Variants in XPR1 observed in about 807,000 individuals in gnomAD.
The protein encoded by XPR1 is xenotropic and polytropic retrovirus receptor 1.
Under a neutral mutation model 87.5 loss-of-function variants are expected in XPR1, and 28 were observed. The observed-to-expected ratio is 0.32, with a 90% CI of 0.24 to 0.44. The LOEUF (loss-of-function observed/expected upper bound fraction) is 0.44, where lower values mean the gene tolerates loss of function less well. Among genes scored for constraint, XPR1 ranks in the 20% least tolerant of loss-of-function variants. The probability of loss-of-function intolerance (pLI) is 1.00; values close to 1 mark genes in which losing one functional copy is unlikely to be tolerated. For missense variants in XPR1, 559 were observed against 862.3 expected, an observed-to-expected ratio of 0.65 and a Z score of 4.41; for synonymous variants, 300 against 306.1, an observed-to-expected ratio of 0.98 and a Z score of 0.21.
At chr1:180,648,070 T>C (rs974442122) in intron 1 of XPR1, among the ~76,000 whole-genome samples, 2 of 152,176 alleles carry the variant, frequency 1.3e-5, no homozygotes, top group African/African-American at 4.8e-5. Flanking sequence ...TTAATTTTAG[T>C]TTACTAAAAT....
At chr1:180,667,538 T>C (rs1226721847) in intron 1 of XPR1, among the ~76,000 whole-genome samples, 4 of 152,250 alleles carry the variant, frequency 2.6e-5, no homozygotes, top group African/African-American at 4.8e-5. Flanking sequence ...TCAAAGTTCA[T>C]TGGAGATATT....
chr1:180,840,586 A>G (rs1651475165), intron 11 of XPR1, among the ~76,000 whole-genome samples: 1 of 127,432 alleles, frequency 7.8e-6, no homozygotes, highest in Non-Finnish European at 1.8e-5. Context: ...ATATATATAT[A>G]TATAAACTGG....
At chr1:180,765,356 A>G (rs950903699) in intron 2 of XPR1, among the ~76,000 whole-genome samples, 1 of 152,332 alleles carries the variant, frequency 6.6e-6, no homozygotes. Context: ...TTGCTCATGC[A>G]TTATGCTGGA....
At chr1:180,759,116 A>T (rs1270081593) in intron 2 of XPR1, among the ~76,000 whole-genome samples, 1 of 152,214 alleles carries the variant, frequency 6.6e-6, no homozygotes. Flanking sequence ...CATTCAAAGC[A>T]GTGTGTAGAA....
At chr1:180,725,403 A>G (rs761436294) in intron 2 of XPR1, among the ~76,000 whole-genome samples, 24 of 152,138 alleles carry the variant, frequency 1.6e-4, no homozygotes, top group Non-Finnish European at 2.8e-4. Context: ...AAGGATGTGG[A>G]GTGATTTAGT....
At chr1:180,671,844 C>G (rs912059974) in intron 1 of XPR1, among the ~76,000 whole-genome samples, 8 of 151,946 alleles carry the variant, frequency 5.3e-5, no homozygotes, top group African/African-American at 1.9e-4. Flanking sequence ...TTTAAAGAGA[C>G]AGAGTTTTGC....
intron 2 of XPR1, among the ~76,000 whole-genome samples, chr1:180,735,529 G>T (rs779105665): frequency 6.6e-6 from 1 of 152,062 alleles, no homozygotes; most frequent in Non-Finnish European, 1.5e-5. Flanking sequence ...TGAAGTATTT[G>T]ATTTGTGTAC....
intron 2 of XPR1, among the ~76,000 whole-genome samples, chr1:180,741,529 C>T (rs551613575): frequency 1.1e-4 from 16 of 151,626 alleles, no homozygotes; most frequent in South Asian, 6.3e-4. Flanking sequence ...TCTATCACCC[C>T]GGCTGGGGTG....
intron 2 of XPR1, among the ~76,000 whole-genome samples, chr1:180,787,526 G>A (rs1649199367): frequency 6.6e-6 from 1 of 152,088 alleles, no homozygotes. Flanking sequence ...TGATCTGCCC[G>A]CCTCGGCCTC....
At position 180,632,090 on chromosome 1, in the gene XPR1, G is replaced by T; in HGVS notation, c.-112G>T. 1.5e-6 allele frequency: 2 copies of T among 1,319,264 alleles called. No homozygotes were observed. The highest frequency in any genetic ancestry group is 2.1e-6 in the Non-Finnish European group (2 of 937,658). 81.7% of individuals were successfully genotyped at this position (1,319,264 alleles called of 1,614,324 possible). A position where few individuals can be genotyped will look rare whatever the true frequency, so the allele number is the denominator to read the frequency against. On this transcript the variant is annotated 5_prime_UTR_variant, in exon 1 of 15. Transcript: ENST00000367590. ...ACCTCGGCGGCGGCGGAGGAGGAGA[G>T]AAGCGCAGCGCCGCGCCGCGCCGGG... is the stretch of plus-strand genomic sequence containing the variant.
chr1:180,832,954 G>A (rs1449977593), intron 9 of XPR1, among the ~76,000 whole-genome samples: 2 of 152,184 alleles, frequency 1.3e-5, no homozygotes, highest in African/African-American at 2.4e-5. Context: ...ACTTTGGGCA[G>A]TATGGCATTT....
chr1:180,776,863 C>A (rs777609998), intron 2 of XPR1, among the ~76,000 whole-genome samples: 6 of 151,976 alleles, frequency 3.9e-5, no homozygotes, highest in Non-Finnish European at 7.4e-5. Context: ...AGTGAAAAGA[C>A]TTTTTTGTGT....
At chr1:180,747,639 T>C (rs1647308558) in intron 2 of XPR1, among the ~76,000 whole-genome samples, 1 of 152,206 alleles carries the variant, frequency 6.6e-6, no homozygotes, top group African/African-American at 2.4e-5. Context: ...TATTTAAATA[T>C]TACATGATAC....
At chr1:180,698,960 G>T (rs1483009954) in intron 2 of XPR1, among the ~76,000 whole-genome samples, 1 of 152,066 alleles carries the variant, frequency 6.6e-6, no homozygotes, top group African/African-American at 2.4e-5. Flanking sequence ...TTTGACTTTT[G>T]ATAGTTTGAC....
intron 1 of XPR1, among the ~76,000 whole-genome samples, chr1:180,652,771 A>T (rs12069760): frequency 0.043 from 6,549 of 152,294 alleles, 502 homozygotes; most frequent in African/African-American, 0.15. Flanking sequence ...GTATGAATTA[A>T]CTGTTACTGG....
At chr1:180,818,559 T>C (rs1457335579) in intron 7 of XPR1, among the ~76,000 whole-genome samples, 1 of 152,158 alleles carries the variant, frequency 6.6e-6, no homozygotes, top group African/African-American at 2.4e-5. Flanking sequence ...TTGAGTATAT[T>C]GCTTACCCCA....
At chr1:180,800,932 T>C (rs1439302409) in intron 3 of XPR1, among the ~76,000 whole-genome samples, 1 of 152,184 alleles carries the variant, frequency 6.6e-6, no homozygotes, top group East Asian at 1.9e-4. Flanking sequence ...GTGACTAATA[T>C]CAAGTATTTG....
chr1:180,825,142 C>A, intron 8 of XPR1, 23 bp from the exon 9 acceptor site: 2 of 1,567,278 alleles, frequency 1.3e-6, no homozygotes, highest in Non-Finnish European at 1.7e-6. Flanking sequence ...CTCTATCTTT[C>A]TGTCTTCCCC....
At chr1:180,770,070 A>C (rs1444430255) in intron 2 of XPR1, among the ~76,000 whole-genome samples, 1 of 152,054 alleles carries the variant, frequency 6.6e-6, no homozygotes, top group Non-Finnish European at 1.5e-5. Context: ...TGATAGTTTC[A>C]TTATTTCATT....
Sources: allele counts gnomAD v4.1 joint callset (sites outside exome capture counted in the v4.1 genomes callset), GRCh38; gene constraint gnomAD v4.1.1; transcripts MANE v1.5; gene names NCBI Gene and HGNC (gene_info 2026-07-23, HGNC 2026-07-21).